Variants in TMEM236 observed in about 807,000 individuals in gnomAD.
TMEM236 encodes transmembrane protein 236, also known as family with sequence similarity 23, member A.
In TMEM236, 11 loss-of-function variants were observed where a neutral mutation model predicts 14.7. The observed-to-expected ratio is 0.75, with a 90% CI of 0.47 to 1.24. The LOEUF (loss-of-function observed/expected upper bound fraction) is 1.24. Among genes scored for constraint, TMEM236 ranks in the 50% most tolerant of loss-of-function variants. The pLI is 0.00. For synonymous variants in TMEM236, 182 were observed against 168.6 expected, an observed-to-expected ratio of 1.08 and a Z score of -0.62; for missense variants, 464 against 427.3, an observed-to-expected ratio of 1.09 and a Z score of -0.76.
intron 3 of TMEM236, among the ~76,000 whole-genome samples, chr10:17,785,636 T>C (rs1589150936): frequency 6.6e-6 from 1 of 151,922 alleles, no homozygotes; most frequent in Admixed American, 6.6e-5. Flanking sequence ...TTTTAAGAAA[T>C]AGCTTATTAT....
At chr10:17,771,203 GA>G in intron 1 of TMEM236, 105 bp from the exon 2 acceptor site, 2 of 1,055,964 alleles carry the variant, frequency 1.9e-6, no homozygotes, top group South Asian at 1.3e-5. Context: ...CAGCTTCTTA[GA>G]AAAACTATAG....
chr10:17,787,855 A>G (rs990319380), intron 3 of TMEM236, among the ~76,000 whole-genome samples: 99 of 152,288 alleles, frequency 6.5e-4, no homozygotes, highest in African/African-American at 2.3e-3. Context: ...AGTTTCTGTC[A>G]TCCACTCCTG....
intron 1 of TMEM236, 69 bp downstream of exon 1, chr10:17,752,621 C>T: frequency 6.7e-7 from 1 of 1,498,538 alleles, no homozygotes; most frequent in South Asian, 1.1e-5. Context: ...GGCTGGAGTG[C>T]AGTAGGGCAG....
At chr10:17,782,032 C>T (rs1837759844) in intron 3 of TMEM236, among the ~76,000 whole-genome samples, 1 of 152,074 alleles carries the variant, frequency 6.6e-6, no homozygotes, top group Non-Finnish European at 1.5e-5. Flanking sequence ...CCAGGCCCAG[C>T]TCCCTGGCAA....
intron 1 of TMEM236, among the ~76,000 whole-genome samples, chr10:17,769,575 T>C (rs1837533323): frequency 6.6e-6 from 1 of 152,166 alleles, no homozygotes. Flanking sequence ...AGAAGAGAAC[T>C]TTATGAGTGG....
chr10:17,756,723 C>T (rs1837289968), intron 1 of TMEM236, among the ~76,000 whole-genome samples: 1 of 152,244 alleles, frequency 6.6e-6, no homozygotes, highest in South Asian at 2.1e-4. Flanking sequence ...GGACCTAGGT[C>T]TACCTGACTC....
chr10:17,778,876 G>A (rs994866547), intron 3 of TMEM236, among the ~76,000 whole-genome samples: 3 of 152,100 alleles, frequency 2.0e-5, no homozygotes, highest in Non-Finnish European at 2.9e-5. Flanking sequence ...AGTCTTCACC[G>A]GACCAAGGAA....
At position 17,776,043 on chromosome 10, in the gene TMEM236, T is replaced by C. The variant is rs1266523583; in HGVS notation, c.345T>C (p.Ile115=). ...TCTCTAAACAGGTTCAAAAGAGCAT[T>C]AATGGGTCCGCTGATGTCTTACCTG... ...SIAVTEVQKS[I]NGSADVLPDM... is the part of the protein sequence containing the mutation. Residue 115 remains isoleucine (I), a synonymous_variant, in exon 3 of 4, where the codon ATT becomes ATC. Transcript: ENST00000377495. 19 of 1,613,854 alleles carry C rather than the reference T, an allele frequency of 1.2e-5. No individual in the cohort carries two copies. In the African/African-American group the frequency reaches 2.4e-4, roughly 20 times the overall value.
In TMEM236 at chr10:17,796,258, C is replaced by T; in HGVS notation, c.810C>T (p.Tyr270=). ...AGTCAAGCTGGCTATACCCAGTCTA[C>T]ATATTCAGTTTTATTTCTCTCCTTC... is the stretch of plus-strand genomic sequence containing the variant. ...VYKSSWLYPV[Y]IFSFISLLRI... Residue 270 remains tyrosine, a synonymous_variant, in exon 4 of 4, where the codon TAC becomes TAT. Transcript: ENST00000377495. 1.2e-6 allele frequency: 2 copies of T among 1,613,988 alleles called. No individual in the cohort carries two copies. Among genetic ancestry groups the T allele is most frequent in the Non-Finnish European group, 1.7e-6 (2 of 1,179,868 alleles).
Position 17,798,265 on chromosome 10 carries a change from G to A in TMEM236, c.*1761G>A. 8.3e-6 allele frequency: 2 copies of A among 240,386 alleles called. No homozygotes were observed. The highest frequency in any genetic ancestry group is 1.6e-5 in the Non-Finnish European group (2 of 121,434). The allele number at this position is 240,386 out of a possible 1,614,324, so 14.9% of individuals were successfully genotyped here. A position where few individuals can be genotyped will look rare whatever the true frequency, so the allele number is the denominator to read the frequency against. On this transcript the variant is annotated 3_prime_UTR_variant, in exon 4 of 4. Transcript: ENST00000377495. ...TTAAGAATTTGACATATGGCCGGCT[G>A]TGGTGGCTCACACGTGTAATCCCAG...
At chr10:17,791,359 G>A (rs1041231816) in intron 3 of TMEM236, among the ~76,000 whole-genome samples, 25 of 152,036 alleles carry the variant, frequency 1.6e-4, no homozygotes, top group Non-Finnish European at 3.2e-4. Flanking sequence ...TTGGGAGGCT[G>A]AGGCAGGAGG....
intron 1 of TMEM236, among the ~76,000 whole-genome samples, chr10:17,754,898 A>G (rs1466095010): frequency 6.6e-6 from 1 of 150,756 alleles, no homozygotes; most frequent in Non-Finnish European, 1.5e-5. Flanking sequence ...AAGTTAATAT[A>G]AGCTAATTTT....
chr10:17,769,701 T>C (rs1837535796), intron 1 of TMEM236, among the ~76,000 whole-genome samples: 1 of 152,190 alleles, frequency 6.6e-6, no homozygotes, highest in South Asian at 2.1e-4. Flanking sequence ...CAGGTTATAC[T>C]GGGTCTGGCC....
chr10:17,756,606 T>C (rs993243336), intron 1 of TMEM236, among the ~76,000 whole-genome samples: 1,628 of 152,274 alleles, frequency 0.011, 31 homozygotes, highest in African/African-American at 0.036. Context: ...TAAAGTAGAA[T>C]TTTTATGAGT....
At chr10:17,769,153 T>C (rs1286144679) in intron 1 of TMEM236, among the ~76,000 whole-genome samples, 1 of 152,218 alleles carries the variant, frequency 6.6e-6, no homozygotes, top group Non-Finnish European at 1.5e-5. Context: ...AAGACAATGT[T>C]GCTAGGCAAG....
intron 1 of TMEM236, among the ~76,000 whole-genome samples, chr10:17,764,316 C>A (rs1255431282): frequency 6.6e-6 from 1 of 152,120 alleles, no homozygotes; most frequent in African/African-American, 2.4e-5. Flanking sequence ...GGGTCCCTCT[C>A]ATTGCCAGTT....
At chr10:17,792,643 C>G (rs1017459601) in intron 3 of TMEM236, among the ~76,000 whole-genome samples, 1 of 152,160 alleles carries the variant, frequency 6.6e-6, no homozygotes, top group Non-Finnish European at 1.5e-5. Flanking sequence ...TACACAGTGA[C>G]GACCAAAAGT....
intron 3 of TMEM236, among the ~76,000 whole-genome samples, chr10:17,785,705 C>G (rs1211658451): frequency 6.6e-6 from 1 of 151,764 alleles, no homozygotes; most frequent in African/African-American, 2.4e-5. Flanking sequence ...GCAATGTGCT[C>G]AGGGGTGACT....
At chr10:17,763,691 G>C (rs1455842071) in intron 1 of TMEM236, among the ~76,000 whole-genome samples, 1 of 152,190 alleles carries the variant, frequency 6.6e-6, no homozygotes, top group East Asian at 1.9e-4. Flanking sequence ...TCCAGAGGAG[G>C]AGGATGAGTA....
Sources: allele counts gnomAD v4.1 joint callset (sites outside exome capture counted in the v4.1 genomes callset), GRCh38; gene constraint gnomAD v4.1.1; transcripts MANE v1.5; gene names NCBI Gene and HGNC (gene_info 2026-07-23, HGNC 2026-07-21).